The following GSN variants were observed in gnomAD, a reference collection of about 807,000 sequenced individuals.
GSN encodes the protein actin-depolymerizing factor.
In GSN, 56 loss-of-function variants were observed where a neutral mutation model predicts 85.7. That is an observed-to-expected ratio of 0.65 (90% CI 0.53 to 0.82). The LOEUF (loss-of-function observed/expected upper bound fraction) is 0.82, where lower values mean the gene tolerates loss of function less well. Among genes scored for constraint, GSN ranks in the 40% least tolerant of loss-of-function variants. GSN has a pLI of 0.00. For missense variants in GSN, 857 were observed against 979.8 expected (o/e 0.87, Z 1.67); for synonymous variants, 373 against 399.1 (o/e 0.93, Z 0.78).
intron 5 of GSN, chr9:121,239,314 A>T (rs1246672577): frequency 2.5e-6 from 1 of 398,844 alleles, no homozygotes; most frequent in African/African-American, 2.1e-5. Flanking sequence ...CGGGTGAGGG[A>T]TGGCAATCCA....
chr9:121,207,812 T>C (rs577523157), exon 1 of GSN: 1 of 151,644 alleles, frequency 6.6e-6, no homozygotes, highest in Non-Finnish European at 1.5e-5. Context: ...TGGAGTGCAA[T>C]GGCACGATAT....
intron 2 of GSN, chr9:121,284,276 T>G: frequency 6.0e-6 from 1 of 167,244 alleles, no homozygotes. Flanking sequence ...TTTTGGTTCT[T>G]CCACATCAGG....
At chr9:121,277,918 TAACA>T (rs55764568) in intron 1 of GSN, among the ~76,000 whole-genome samples, 33,550 of 151,870 alleles carry the variant, frequency 0.22, 4,225 homozygotes, top group African/African-American at 0.35. Context: ...AAAACAACAA[TAACA>T]AACAAACAAG....
chr9:121,223,819 C>T (rs975272247), intron 4 of GSN, among the ~76,000 whole-genome samples: 3 of 151,776 alleles, frequency 2.0e-5, no homozygotes, highest in Non-Finnish European at 2.9e-5. Flanking sequence ...GCCACCACGC[C>T]GGCTAAATTT....
chr9:121,307,793 T>G (rs2060574473), intron 4 of GSN, among the ~76,000 whole-genome samples: 1 of 152,196 alleles, frequency 6.6e-6, no homozygotes, highest in Non-Finnish European at 1.5e-5. Context: ...TGGCGGTTCT[T>G]CCTCACTTGC....
intron 6 of GSN, among the ~76,000 whole-genome samples, chr9:121,251,002 T>C (rs938361269): frequency 6.6e-6 from 1 of 151,666 alleles, no homozygotes; most frequent in Non-Finnish European, 1.5e-5. Context: ...TTTGTATTTT[T>C]TTTTGTAGAG....
chr9:121,301,362 C>T (rs577262286), intron 2 of GSN, among the ~76,000 whole-genome samples: 39 of 152,298 alleles, frequency 2.6e-4, no homozygotes, highest in African/African-American at 8.9e-4. Context: ...CGCGGTGGCT[C>T]ACGCCTGTAA....
At chr9:121,245,535 CAT>C (rs2054682701) in intron 5 of GSN, among the ~76,000 whole-genome samples, 1 of 151,994 alleles carries the variant, frequency 6.6e-6, no homozygotes, top group African/African-American at 2.4e-5. Flanking sequence ...TTTTTAAAAA[CAT>C]ATTATTAGAG....
rs1456114020 is a variant in GSN at position 121,261,146 on chromosome 9, G to T, written c.-340-4008G>T. Among the ~76,000 whole-genome samples the T allele has an allele frequency of 6.6e-6, 1 of 152,230 alleles. No individual in the cohort carries two copies. The highest frequency in any genetic ancestry group is 2.4e-5 in the African/African-American group (1 of 41,458). ...AGTACTGCCCCCTCCCATCCCACTGGTGGCCTGCGGGGACAGCTGAATGCC... is the reference window on the plus strand; with the variant it reads ...AGTACTGCCCCCTCCCATCCCACTGTTGGCCTGCGGGGACAGCTGAATGCC... On this transcript the variant is annotated intron_variant, in intron 6 of 24. Transcript: ENST00000373823. This position sits in a 1 kb window ranked among gnomAD's most constrained non-coding sequence, Gnocchi z 4.1.
chr9:121,318,279 G>T lies in GSN; in HGVS notation c.887-127G>T. ...GTCGGCTCTGGGGGTCTCTGGCCTTGGCTGTCCACAGTCTAAGAAGAGTAG... is the reference window on the plus strand; with the variant it reads ...GTCGGCTCTGGGGGTCTCTGGCCTTTGCTGTCCACAGTCTAAGAAGAGTAG... On this transcript the variant is annotated intron_variant, in intron 8 of 17. Transcript: ENST00000432226. This position sits in a 1 kb window ranked among gnomAD's most constrained non-coding sequence, Gnocchi z 4.3. 1.2e-6 allele frequency: 1 copy of T among 820,214 alleles called. No homozygotes were observed. Among genetic ancestry groups the T allele is most frequent in the Non-Finnish European group, 2.1e-6 (1 of 467,156 alleles). The allele number at this position is 820,214 out of a possible 1,614,324, so 50.8% of individuals were successfully genotyped here.
At chr9:121,311,720 C>G (rs1357029549) in intron 5 of GSN, 3 of 152,492 alleles carry the variant, frequency 2.0e-5, no homozygotes, top group Admixed American at 6.5e-5. Flanking sequence ...TCTTTTATCT[C>G]TGACCTTTTG....
chr9:121,286,130 CCCCCAG>C, intron 2 of GSN: 4 of 1,535,524 alleles, frequency 2.6e-6, no homozygotes, highest in Non-Finnish European at 3.5e-6. Context: ...CACATAGCTC[CCCCCAG>C]CCTCGCGATG....
intron 6 of GSN, among the ~76,000 whole-genome samples, chr9:121,252,346 C>T (rs1318989849): frequency 6.6e-6 from 1 of 152,146 alleles, no homozygotes; most frequent in African/African-American, 2.4e-5. Context: ...GGAGAAGACT[C>T]CTGTGGCCAG....
At chr9:121,218,362 C>T (rs372461019) in intron 4 of GSN, among the ~76,000 whole-genome samples, 3 of 152,148 alleles carry the variant, frequency 2.0e-5, no homozygotes, top group Non-Finnish European at 2.9e-5. Flanking sequence ...AGGCCAGGCT[C>T]GGTGGCTCAT....
intron 2 of GSN, chr9:121,286,656 C>T (rs551176292): frequency 1.5e-5 from 23 of 1,534,282 alleles, no homozygotes; most frequent in African/African-American, 4.1e-5. Flanking sequence ...CCCTCTGGGC[C>T]GGGAAGTCAG....
At chr9:121,316,663 A>C (rs935444113) in intron 7 of GSN, among the ~76,000 whole-genome samples, 1 of 151,948 alleles carries the variant, frequency 6.6e-6, no homozygotes, top group African/African-American at 2.4e-5. Flanking sequence ...TAGAGATGGG[A>C]TCTTGCCATG....
At chr9:121,289,400 A>G (rs1171314139) in intron 2 of GSN, among the ~76,000 whole-genome samples, 2 of 151,896 alleles carry the variant, frequency 1.3e-5, no homozygotes, top group Non-Finnish European at 2.9e-5. Context: ...AAGCCGGGTA[A>G]TTTTCCTCTA....
At position 121,329,265 on chromosome 9, in the gene GSN, C is replaced by T. The variant is rs2133938132; in HGVS notation, c.1915C>T (p.Gln639Ter). ...VIEEVPGELMQEDLATDDVML... is the reference protein window; with the variant it reads ...VIEEVPGELM Reference sequence around the variant, plus strand: ...CGAAGAGGTTCCTGGTGAGCTCATGCAGGAAGACCTGGCAACGGATGACGT... The same window carrying T: ...CGAAGAGGTTCCTGGTGAGCTCATGTAGGAAGACCTGGCAACGGATGACGT... The change falls in exon 16 of 18, where the codon CAG becomes TAG. Residue 639 changes from glutamine to a stop codon, truncating the protein, a stop_gained. Coordinates refer to ENST00000432226, the MANE Select transcript of GSN (RefSeq NM_198252.3). LOFTEE classifies it high-confidence loss of function. This position sits in a 1 kb window ranked among gnomAD's most constrained non-coding sequence, Gnocchi z 4.6. 9 of 1,612,304 alleles carry T rather than the reference C, an allele frequency of 5.6e-6. No homozygotes were observed. The highest frequency in any genetic ancestry group is 7.6e-6 in the Non-Finnish European group (9 of 1,178,382).
At chr9:121,302,595 A>G (rs2060001065) in intron 3 of GSN, among the ~76,000 whole-genome samples, 2 of 152,048 alleles carry the variant, frequency 1.3e-5, no homozygotes, top group African/African-American at 2.4e-5. Context: ...GTGGGATGCT[A>G]TAAGTTCTGC....
Sources: allele counts gnomAD v4.1 joint callset (sites outside exome capture counted in the v4.1 genomes callset), GRCh38; gene constraint gnomAD v4.1.1; non-coding constraint Gnocchi (gnomAD v3.1); transcripts MANE v1.5; gene names NCBI Gene and HGNC (gene_info 2026-07-23, HGNC 2026-07-21).